Variants in PRKG1 observed in about 807,000 individuals in gnomAD.
The protein encoded by PRKG1 is protein kinase cGMP-dependent 1.
PRKG1 carries 35 observed loss-of-function variants against 88.1 expected under a neutral mutation model. That is an observed-to-expected ratio of 0.40 (90% CI 0.30 to 0.53). PRKG1 has a LOEUF of 0.53. PRKG1 is among the 20% of genes least tolerant of loss of function. The probability of loss-of-function intolerance (pLI) is 0.59; values close to 1 mark genes in which losing one functional copy is unlikely to be tolerated. For missense variants in PRKG1, 540 were observed against 839.8 expected, an observed-to-expected ratio of 0.64 and a Z score of 4.41; for synonymous variants, 303 against 292.5, an observed-to-expected ratio of 1.04 and a Z score of -0.37.
chr10:51,297,050 A>G (rs867538040), intron 2 of PRKG1, among the ~76,000 whole-genome samples: 1 of 152,126 alleles, frequency 6.6e-6, no homozygotes, highest in African/African-American at 2.4e-5. Context: ...AAAAGGAAAC[A>G]ATAAATGCAA....
At chr10:52,101,675 A>G (rs551624865) in intron 7 of PRKG1, among the ~76,000 whole-genome samples, 2 of 152,320 alleles carry the variant, frequency 1.3e-5, no homozygotes, top group East Asian at 1.9e-4. Context: ...TATTTTATCA[A>G]TAAGACAGCT....
chr10:51,367,737 G>T (rs530739563), intron 2 of PRKG1, among the ~76,000 whole-genome samples: 1 of 151,992 alleles, frequency 6.6e-6, no homozygotes, highest in African/African-American at 2.4e-5. Context: ...GCTCTTCTGT[G>T]ACCTAATATA....
intron 4 of PRKG1, among the ~76,000 whole-genome samples, chr10:51,829,265 T>C (rs1249124746): frequency 6.6e-6 from 1 of 152,198 alleles, no homozygotes; most frequent in Non-Finnish European, 1.5e-5. Flanking sequence ...TATGCTTTCA[T>C]TTTAAAAGTG....
intron 2 of PRKG1, among the ~76,000 whole-genome samples, chr10:51,332,726 C>T (rs12766075): frequency 0.074 from 11,209 of 152,178 alleles, 491 homozygotes; most frequent in Middle Eastern, 0.12. Context: ...CTTTTTCATA[C>T]CATCTCACTG....
At chr10:51,566,077 T>A (rs192349517) in intron 3 of PRKG1, among the ~76,000 whole-genome samples, 86 of 152,244 alleles carry the variant, frequency 5.6e-4, no homozygotes, top group Admixed American at 1.0e-3. Context: ...AATATAATGA[T>A]TGGTATCACT....
At chr10:52,147,070 T>C (rs1230647510) in intron 8 of PRKG1, among the ~76,000 whole-genome samples, 5 of 152,232 alleles carry the variant, frequency 3.3e-5, no homozygotes, top group Non-Finnish European at 7.3e-5. Context: ...CATTCTTTAG[T>C]GATTGCTTCT....
At position 52,261,496 on chromosome 10, in the gene PRKG1, G is replaced by A. The variant is rs376445169; in HGVS notation, c.1173+9830G>A. On this transcript the variant is annotated intron_variant, in intron 10 of 17. Transcript: ENST00000373980. Reference sequence around the variant, plus strand: ...TGTGTGAGTGTGTGTGTGTGTAGGTGTTGGGGGGGCCTGTCTATGAATAGG... The same window carrying A: ...TGTGTGAGTGTGTGTGTGTGTAGGTATTGGGGGGGCCTGTCTATGAATAGG... Among the ~76,000 whole-genome samples the A allele has an allele frequency of 2.2e-4, 33 of 150,998 alleles. No homozygotes were observed. In the East Asian group the frequency reaches 5.0e-3, roughly 23 times the overall value.
chr10:51,626,625 T>G (rs1839343500), intron 3 of PRKG1, among the ~76,000 whole-genome samples: 1 of 152,192 alleles, frequency 6.6e-6, no homozygotes, highest in African/African-American at 2.4e-5. Flanking sequence ...TTTTATCTTT[T>G]ACATAGCAAC....
intron 5 of PRKG1, among the ~76,000 whole-genome samples, chr10:51,935,568 A>G (rs2133015399): frequency 6.6e-6 from 1 of 152,208 alleles, no homozygotes; most frequent in South Asian, 2.1e-4. Context: ...ACAACCCGGC[A>G]TTTGTTCTTC....
At chr10:51,782,977 G>T (rs138172562) in intron 3 of PRKG1, among the ~76,000 whole-genome samples, 4 of 151,924 alleles carry the variant, frequency 2.6e-5, no homozygotes, top group South Asian at 4.2e-4. Context: ...CGCCTGTGCC[G>T]TATTGCTTCT....
intron 5 of PRKG1, among the ~76,000 whole-genome samples, chr10:51,979,611 C>CTTTTT (rs71032612): frequency 4.1e-5 from 3 of 72,306 alleles, no homozygotes; most frequent in African/African-American, 5.4e-5. Context: ...TGGTCCTGGG[C>CTTTTT]TTTTTTTTTT....
intron 3 of PRKG1, among the ~76,000 whole-genome samples, chr10:51,755,102 T>C (rs1053775593): frequency 6.6e-6 from 1 of 152,116 alleles, no homozygotes; most frequent in Non-Finnish European, 1.5e-5. Flanking sequence ...TAAGAGCCAA[T>C]TTAATACTTA....
At chr10:51,020,569 T>C (rs1843122391) in intron 1 of PRKG1, among the ~76,000 whole-genome samples, 1 of 152,188 alleles carries the variant, frequency 6.6e-6, no homozygotes, top group African/African-American at 2.4e-5. Context: ...TATGAAAATA[T>C]ACTAAAACTT....
chr10:51,255,196 A>G (rs1839525392), intron 2 of PRKG1, among the ~76,000 whole-genome samples: 1 of 152,154 alleles, frequency 6.6e-6, no homozygotes, highest in African/African-American at 2.4e-5. Context: ...CAATTTCTAC[A>G]TATGTTTTGA....
chr10:52,148,573 C>T (rs1837796914), intron 8 of PRKG1, among the ~76,000 whole-genome samples: 1 of 152,008 alleles, frequency 6.6e-6, no homozygotes, highest in Admixed American at 6.6e-5. Flanking sequence ...TAAGAAATGT[C>T]AGAGGAAGAA....
At chr10:51,372,952 T>G (rs1046288625) in intron 2 of PRKG1, among the ~76,000 whole-genome samples, 1 of 152,186 alleles carries the variant, frequency 6.6e-6, no homozygotes. Flanking sequence ...TAGGATTTTT[T>G]AACTTATGTT....
In PRKG1 at chr10:51,199,181, G is replaced by C. The variant is rs143082920; in HGVS notation, c.478+45851G>C. 1.1e-3 allele frequency among the ~76,000 whole-genome samples: 170 copies of C among 152,306 alleles called. 1 individual carries two copies. The highest frequency in any genetic ancestry group is 5.0e-3 in the East Asian group (26 of 5,182). Reference sequence around the variant, plus strand: ...CTACACATGTTATCAGTCTGAAAAAGTTGGGAGGGGAGGTATCAGTCTAGT... The same window carrying C: ...CTACACATGTTATCAGTCTGAAAAACTTGGGAGGGGAGGTATCAGTCTAGT... On this transcript the variant is annotated intron_variant, in intron 2 of 17. Transcript: ENST00000373980.
At chr10:51,642,107 C>T (rs545180418) in intron 3 of PRKG1, among the ~76,000 whole-genome samples, 2 of 152,254 alleles carry the variant, frequency 1.3e-5, no homozygotes, top group South Asian at 2.1e-4. Context: ...TAAAATAGAA[C>T]TTGGCTGGGT....
intron 5 of PRKG1, among the ~76,000 whole-genome samples, chr10:52,031,555 T>A (rs1174379827): frequency 6.6e-6 from 1 of 152,192 alleles, no homozygotes; most frequent in Non-Finnish European, 1.5e-5. Flanking sequence ...AACAATGCAT[T>A]ACACTGTCAT....
Sources: gnomAD v4.1 joint callset for allele counts (sites outside exome capture counted in the v4.1 genomes callset) on GRCh38, gnomAD v4.1.1 for gene constraint, MANE v1.5 for transcripts, NCBI Gene and HGNC (gene_info 2026-07-23, HGNC 2026-07-21) for gene names.